FHIT: variants seen among roughly 807,000 people sequenced by gnomAD.
The protein encoded by FHIT is fragile histidine triad diadenosine triphosphatase, also known as bis(5'-adenosyl)-triphosphatase.
FHIT carries 19 observed loss-of-function variants against 17.9 expected under a neutral mutation model. The observed-to-expected ratio is 1.06, with a 90% CI of 0.74 to 1.56. The LOEUF (loss-of-function observed/expected upper bound fraction) is 1.56, where lower values mean the gene tolerates loss of function less well. Among genes scored for constraint, FHIT ranks in the 40% most tolerant of loss-of-function variants. The pLI is 0.00. For synonymous variants in FHIT, 81 were observed against 69.7 expected, an observed-to-expected ratio of 1.16 and a Z score of -0.81; for missense variants, 248 against 189.2, an observed-to-expected ratio of 1.31 and a Z score of -1.82.
chr3:60,884,099 G>A (rs1204593622), intron 3 of FHIT, among the ~76,000 whole-genome samples: 1 of 152,080 alleles, frequency 6.6e-6, no homozygotes, highest in Non-Finnish European at 1.5e-5. Flanking sequence ...ATGGACAAGA[G>A]GCATATGAAA....
At chr3:60,596,998 TTC>T (rs2107706612) in intron 4 of FHIT, among the ~76,000 whole-genome samples, 1 of 152,314 alleles carries the variant, frequency 6.6e-6, no homozygotes, top group East Asian at 1.9e-4. Context: ...ACCTCTGGTA[TTC>T]TGTTTTGTGC....
intron 5 of FHIT, among the ~76,000 whole-genome samples, chr3:60,176,975 G>C (rs145015571): frequency 6.6e-6 from 1 of 152,182 alleles, no homozygotes; most frequent in Non-Finnish European, 1.5e-5. Flanking sequence ...AATCCAAAGA[G>C]GAAGACCAGA....
intron 5 of FHIT, among the ~76,000 whole-genome samples, chr3:60,348,633 C>T (rs751183154): frequency 8.8e-5 from 13 of 148,126 alleles, no homozygotes; most frequent in Non-Finnish European, 1.6e-4. Context: ...GCACCTAGAC[C>T]ACAGCTCTTG....
chr3:59,799,087 C>T (rs1699891899), intron 8 of FHIT, among the ~76,000 whole-genome samples: 1 of 137,666 alleles, frequency 7.3e-6, no homozygotes, highest in Non-Finnish European at 1.6e-5. Context: ...ATTCTAGAAA[C>T]ACTAGGAAAT....
At chr3:60,318,805 C>G (rs1179625218) in intron 5 of FHIT, among the ~76,000 whole-genome samples, 4 of 152,174 alleles carry the variant, frequency 2.6e-5, no homozygotes, top group African/African-American at 9.7e-5. Context: ...GTTCTGGAAG[C>G]CAGAAGTACA....
At chr3:60,118,278 T>C (rs1336787198) in intron 5 of FHIT, among the ~76,000 whole-genome samples, 2 of 151,214 alleles carry the variant, frequency 1.3e-5, no homozygotes, top group Admixed American at 6.6e-5. Context: ...AGCTCATTTT[T>C]AATTTTTTTT....
chr3:60,964,579 C>T (rs1295699639), intron 3 of FHIT, among the ~76,000 whole-genome samples: 1 of 152,118 alleles, frequency 6.6e-6, no homozygotes, highest in Non-Finnish European at 1.5e-5. Flanking sequence ...ACTGGTTGTT[C>T]CTTTCCATGT....
chr3:60,488,675 C>A (rs1284500378), intron 5 of FHIT, among the ~76,000 whole-genome samples: 1 of 152,086 alleles, frequency 6.6e-6, no homozygotes. Flanking sequence ...CTAAACAGAA[C>A]CTCAGCAGTC....
At chr3:60,518,462 A>T (rs1047207410) in intron 5 of FHIT, among the ~76,000 whole-genome samples, 3 of 152,242 alleles carry the variant, frequency 2.0e-5, no homozygotes, top group African/African-American at 7.2e-5. Flanking sequence ...GCCAAAACAA[A>T]AAACCTAATT....
chr3:60,930,191 C>T (rs1707869729), intron 3 of FHIT, among the ~76,000 whole-genome samples: 1 of 152,010 alleles, frequency 6.6e-6, no homozygotes, highest in South Asian at 2.1e-4. Context: ...GGATCCCTTC[C>T]TTATACCTTA....
intron 2 of FHIT, among the ~76,000 whole-genome samples, chr3:61,150,314 G>A (rs912510936): frequency 4.0e-5 from 6 of 151,870 alleles, no homozygotes; most frequent in African/African-American, 1.5e-4. Flanking sequence ...TGTGAGGAGC[G>A]GTGGGGAGCT....
At chr3:60,666,475 T>C (rs1323943260) in intron 4 of FHIT, among the ~76,000 whole-genome samples, 2 of 152,226 alleles carry the variant, frequency 1.3e-5, no homozygotes, top group Non-Finnish European at 2.9e-5. Flanking sequence ...TATTCCTCTA[T>C]AGGTAATGTG....
chr3:60,744,272 A>AAAAAAAC (rs1559688199), intron 4 of FHIT, among the ~76,000 whole-genome samples: 4 of 89,958 alleles, frequency 4.4e-5, no homozygotes, highest in African/African-American at 1.7e-4. Context: ...ACAAAACAAA[A>AAAAAAAC]AAAAAAAAAA....
intron 3 of FHIT, among the ~76,000 whole-genome samples, chr3:60,828,314 T>C (rs562548253): frequency 6.6e-6 from 1 of 152,290 alleles, no homozygotes; most frequent in East Asian, 1.9e-4. Context: ...ATGTCATCAT[T>C]ATTATTATAT....
At chr3:60,863,176 G>T (rs906406369) in intron 3 of FHIT, among the ~76,000 whole-genome samples, 2 of 152,190 alleles carry the variant, frequency 1.3e-5, no homozygotes, top group African/African-American at 2.4e-5. Context: ...GGCTCTGTGT[G>T]AGGACCAGAA....
At chr3:60,447,674 C>G (rs956564562) in intron 5 of FHIT, among the ~76,000 whole-genome samples, 2 of 152,012 alleles carry the variant, frequency 1.3e-5, no homozygotes, top group African/African-American at 4.8e-5. Context: ...TAAAAAAAAT[C>G]ACAAGACACC....
At chr3:59,763,560 T>A (rs1701639517) in intron 8 of FHIT, among the ~76,000 whole-genome samples, 1 of 152,218 alleles carries the variant, frequency 6.6e-6, no homozygotes. Context: ...GTGTATTTTA[T>A]AGTGTAATAG....
intron 5 of FHIT, among the ~76,000 whole-genome samples, chr3:60,049,455 ATCT>A (rs35209040): frequency 0.35 from 52,746 of 151,846 alleles, 10,507 homozygotes; most frequent in Middle Eastern, 0.54. Flanking sequence ...ATCTTGATGA[ATCT>A]TCTTTTTTCA....
rs148097291 is a variant in FHIT at position 60,522,044 on chromosome 3, G to A, written c.103+14816C>T. Among the ~76,000 whole-genome samples the A allele has an allele frequency of 2.7e-4, 41 of 152,078 alleles. No individual in the cohort carries two copies. In the East Asian group the frequency reaches 4.6e-3, roughly 17 times the overall value. On this transcript the variant is annotated intron_variant, in intron 5 of 9. Coordinates refer to ENST00000492590, the MANE Select transcript of FHIT (RefSeq NM_002012.4). ...CCCTGTGTAGGTCAGAGGGTGGCAG[G>A]TGAAGGTCAGAGGAATGTCAGATTT...
Sources: allele counts gnomAD v4.1 joint callset (sites outside exome capture counted in the v4.1 genomes callset), GRCh38; gene constraint gnomAD v4.1.1; transcripts MANE v1.5; gene names NCBI Gene and HGNC (gene_info 2026-07-23, HGNC 2026-07-21).